The following CACNA2D3 variants were observed in gnomAD, a reference collection of about 807,000 sequenced individuals.
The protein encoded by CACNA2D3 is voltage-dependent calcium channel subunit alpha-2/delta-3.
In CACNA2D3, 60 loss-of-function variants were observed where a neutral mutation model predicts 160.6. The ratio of observed to expected loss-of-function variants is 0.37; its 90% CI spans 0.30 to 0.46. CACNA2D3 has a LOEUF of 0.46. Ranked by LOEUF, CACNA2D3 falls within the 20% of genes least tolerant of loss-of-function variation. CACNA2D3 has a pLI of 1.00. For missense variants in CACNA2D3, 1,205 were observed against 1,365.0 expected, an observed-to-expected ratio of 0.88 and a Z score of 1.85; for synonymous variants, 558 against 492.9, an observed-to-expected ratio of 1.13 and a Z score of -1.75.
At chr3:54,610,920 C>T (rs955274024) in intron 9 of CACNA2D3, among the ~76,000 whole-genome samples, 1 of 152,222 alleles carries the variant, frequency 6.6e-6, no homozygotes. Flanking sequence ...TGAGCCACCA[C>T]ACCCTGCCTG....
At chr3:54,951,822 C>T (rs907638524) in intron 27 of CACNA2D3, among the ~76,000 whole-genome samples, 31 of 152,304 alleles carry the variant, frequency 2.0e-4, no homozygotes, top group African/African-American at 7.5e-4. Context: ...ATTCTATTTT[C>T]TGTCTTCTTA....
chr3:54,405,949 G>T (rs1699568222), intron 4 of CACNA2D3, among the ~76,000 whole-genome samples: 1 of 151,884 alleles, frequency 6.6e-6, no homozygotes, highest in Non-Finnish European at 1.5e-5. Context: ...CACAGAAAGG[G>T]GCTCAGCATC....
intron 4 of CACNA2D3, among the ~76,000 whole-genome samples, chr3:54,463,488 T>G (rs1022316659): frequency 6.6e-5 from 10 of 152,220 alleles, no homozygotes; most frequent in Non-Finnish European, 1.5e-4. Flanking sequence ...TATTCTTTTT[T>G]CTGTAAACTT....
chr3:54,131,612 A>G (rs890117183), intron 2 of CACNA2D3, among the ~76,000 whole-genome samples: 3 of 152,214 alleles, frequency 2.0e-5, no homozygotes, highest in Admixed American at 1.3e-4. Flanking sequence ...GTCCCACTTC[A>G]TTATTCATGA....
intron 14 of CACNA2D3, among the ~76,000 whole-genome samples, 190 bp from the exon 15 acceptor site, chr3:54,836,969 C>A (rs924952551): frequency 6.6e-6 from 1 of 152,202 alleles, no homozygotes; most frequent in Admixed American, 6.5e-5. Context: ...GTTTCCCCAG[C>A]TGGGGGCTGG....
chr3:54,132,476 G>A (rs748438410), intron 2 of CACNA2D3, among the ~76,000 whole-genome samples: 2 of 152,144 alleles, frequency 1.3e-5, no homozygotes, highest in Non-Finnish European at 2.9e-5. Context: ...GAGCCACCTG[G>A]TCGCCCTGAA....
intron 27 of CACNA2D3, chr3:54,924,966 A>C: frequency 6.2e-7 from 1 of 1,611,180 alleles, no homozygotes; most frequent in African/African-American, 1.3e-5. Context: ...CAGATTTGAA[A>C]GGGAATTGTT....
At chr3:54,987,799 A>G (rs1406495171) in intron 31 of CACNA2D3, 46 bp downstream of exon 31, 1 of 1,432,164 alleles carries the variant, frequency 7.0e-7, no homozygotes, top group Non-Finnish European at 9.5e-7. Flanking sequence ...AGTTTTCCTA[A>G]ATAAAATAAA....
intron 13 of CACNA2D3, among the ~76,000 whole-genome samples, chr3:54,779,375 A>G (rs1702489567): frequency 1.3e-5 from 2 of 152,206 alleles, no homozygotes; most frequent in African/African-American, 4.8e-5. Context: ...CTGAGATTAC[A>G]GGTGTGAGCT....
intron 14 of CACNA2D3, among the ~76,000 whole-genome samples, chr3:54,822,362 C>G (rs1703622898): frequency 6.6e-6 from 1 of 152,230 alleles, no homozygotes; most frequent in African/African-American, 2.4e-5. Flanking sequence ...CTGTGGAAAT[C>G]TGAGTGATGG....
Position 54,987,706 on chromosome 3 carries a change from C to A in CACNA2D3, c.2643C>A (p.Ile881=). ...AGACTGGAGACTTTTTTGGTGAGAT[C>A]GAGGGAGCTGTGATGAACAAATTGC... ...YTQTGDFFGE[I]EGAVMNKLLT... Residue 881 remains isoleucine, a synonymous_variant, in exon 31 of 38, where the codon ATC becomes ATA. Coordinates refer to ENST00000474759, the MANE Select transcript of CACNA2D3 (RefSeq NM_018398.3). 6.2e-7 allele frequency: 1 copy of A among 1,610,190 alleles called. No homozygotes were observed. The highest frequency in any genetic ancestry group is 8.5e-7 in the Non-Finnish European group (1 of 1,178,598).
chr3:54,206,486 T>C (rs1401626716), intron 2 of CACNA2D3, among the ~76,000 whole-genome samples: 2 of 152,182 alleles, frequency 1.3e-5, no homozygotes, highest in Non-Finnish European at 2.9e-5. Flanking sequence ...TTCCAAATTA[T>C]AATGGTTCTC....
At chr3:54,652,329 T>C (rs771394622) in intron 11 of CACNA2D3, among the ~76,000 whole-genome samples, 1 of 152,192 alleles carries the variant, frequency 6.6e-6, no homozygotes, top group Non-Finnish European at 1.5e-5. Flanking sequence ...TCCATTGTAA[T>C]GGAGCCCAGG....
intron 12 of CACNA2D3, among the ~76,000 whole-genome samples, chr3:54,762,033 T>A (rs1702089633): frequency 6.6e-6 from 1 of 152,152 alleles, no homozygotes; most frequent in Non-Finnish European, 1.5e-5. Context: ...TTTAATTTGT[T>A]TGGCGAGTAG....
In CACNA2D3 at chr3:55,074,433, C is replaced by CACATGATAATCACCCTTCATCAGAA; in HGVS notation, c.*229_*253dup. The CACATGATAATCACCCTTCATCAGAA allele has an allele frequency of 1.8e-6, 1 of 542,894 alleles. No homozygotes were observed. The highest frequency in any genetic ancestry group is 3.3e-5 in the Admixed American group (1 of 30,036). The allele number at this position is 542,894 out of a possible 1,614,324, so 33.6% of individuals were successfully genotyped here. A position where few individuals can be genotyped will look rare whatever the true frequency, so the allele number is the denominator to read the frequency against. On this transcript the variant is annotated 3_prime_UTR_variant, in exon 38 of 38. Coordinates refer to ENST00000474759, the MANE Select transcript of CACNA2D3 (RefSeq NM_018398.3). ...GCCAGTCATGCAAATGTGAGTTTGC[C>CACATGATAATCACCCTTCATCAGAA]ACATGATAATCACCCTTCATCAGAA... is the stretch of plus-strand genomic sequence containing the variant.
At chr3:55,051,381 C>T (rs1704207313) in intron 35 of CACNA2D3, among the ~76,000 whole-genome samples, 1 of 134,972 alleles carries the variant, frequency 7.4e-6, no homozygotes, top group East Asian at 2.0e-4. Context: ...TGTCAGTGTG[C>T]CCCTGCTGGG....
chr3:54,693,095 A>T (rs1244622621), intron 11 of CACNA2D3, among the ~76,000 whole-genome samples: 1 of 152,222 alleles, frequency 6.6e-6, no homozygotes, highest in African/African-American at 2.4e-5. Context: ...ACAAAGCTGC[A>T]GGTTTTAATT....
chr3:54,514,727 G>A (rs147527652), intron 5 of CACNA2D3, among the ~76,000 whole-genome samples: 3 of 152,198 alleles, frequency 2.0e-5, no homozygotes, highest in Non-Finnish European at 4.4e-5. Context: ...ACTTAGGCCC[G>A]CTGCCATCTG....
At chr3:54,765,286 C>T (rs1702202543) in intron 13 of CACNA2D3, among the ~76,000 whole-genome samples, 1 of 152,134 alleles carries the variant, frequency 6.6e-6, no homozygotes. Context: ...CAGGCCAGGC[C>T]ACAGCAGCCT....
Sources: allele counts gnomAD v4.1 joint callset (sites outside exome capture counted in the v4.1 genomes callset), GRCh38; gene constraint gnomAD v4.1.1; transcripts MANE v1.5; gene names NCBI Gene and HGNC (gene_info 2026-07-23, HGNC 2026-07-21).